CDSN: variants seen among roughly 807,000 people sequenced by gnomAD.
The protein encoded by CDSN is corneodesmosin.
CDSN carries 11 observed loss-of-function variants against 25.6 expected under a neutral mutation model. That is an observed-to-expected ratio of 0.43 (90% confidence interval 0.27 to 0.71). The LOEUF (loss-of-function observed/expected upper bound fraction) is 0.71. CDSN is among the 30% of genes least tolerant of loss of function. The pLI is 0.20. For synonymous variants in CDSN, 266 were observed against 267.4 expected, an observed-to-expected ratio of 0.99 and a Z score of 0.05; for missense variants, 598 against 670.9, an observed-to-expected ratio of 0.89 and a Z score of 1.20.
intron 1 of CDSN, chr6:31,117,840 G>A (rs1581839304): frequency 7.8e-6 from 3 of 384,376 alleles, no homozygotes; most frequent in African/African-American, 2.1e-5. Context: ...GGCTCACGCC[G>A]GTAATCCCAG....
Position 31,116,347 on chromosome 6 carries a change from C to G in CDSN, c.1268G>C (p.Cys423Ser), listed in dbSNP as rs985884890. The G allele has an allele frequency of 1.1e-5, 17 of 1,612,570 alleles. No homozygotes were observed. The Admixed American group carries it at 2.7e-4, about 25-fold the overall frequency. Residue 423 changes from cysteine to serine, a missense_variant, in exon 2 of 2, where the codon TGC (cysteine) becomes TCC (serine). Cys to Ser is a moderately radical substitution (Grantham distance 112). Transcript: ENST00000376288. ...HPCGSASQSP[C>S]SPPGTGSFSS... ...GAAGGAGCCGGTGCCTGGTGGGGAG[C>G]AGGGGCTCTGGGAAGCACTGCCGCA...
chr6:31,115,978 T>C lies in CDSN; in HGVS notation c.*47A>G, dbSNP rs377342864. 8 of 1,521,570 alleles carry C rather than the reference T, an allele frequency of 5.3e-6. No individual in the cohort carries two copies. The African/African-American group carries it at 1.1e-4, about 21-fold the overall frequency. The allele number at this position is 1,521,570 out of a possible 1,614,324, so 94.3% of individuals were successfully genotyped here. A position where few individuals can be genotyped will look rare whatever the true frequency, so the allele number is the denominator to read the frequency against. On this transcript the variant is annotated 3_prime_UTR_variant, in exon 2 of 2. Transcript: ENST00000376288. This position sits in a 1 kb window ranked among gnomAD's most constrained non-coding sequence, Gnocchi z 4.2. Reference sequence around the variant, plus strand: ...CTTCTCCCATATGGGATATAGTGTATGTGCTTGTTTGTGCCCAAGGCATGC... The same window carrying C: ...CTTCTCCCATATGGGATATAGTGTACGTGCTTGTTTGTGCCCAAGGCATGC...
chr6:31,117,606 A>G, intron 1 of CDSN, 77 bp from the exon 2 acceptor site: 3 of 1,250,568 alleles, frequency 2.4e-6, no homozygotes, highest in Admixed American at 4.0e-5. Flanking sequence ...TATCTCAGTC[A>G]TCGGCCTCTC....
At position 31,116,612 on chromosome 6, in the gene CDSN, C is replaced by T. The variant is rs1772142310; in HGVS notation, c.1003G>A (p.Gly335Arg). The part of the protein sequence containing the change: ...TKENPVKGSP[G>R]VPSFAAGPPI... ...GGCCCAGCTGCAAAGGAAGGGACCC[C>T]TGGAGAGCCTTTCACAGGGTTCTCT... The change falls in exon 2 of 2, where the codon GGG becomes AGG. Residue 335 changes from glycine to arginine, a missense_variant. Coordinates refer to ENST00000376288, the MANE Select transcript of CDSN (RefSeq NM_001264.5). 1 of 1,613,252 alleles carries T rather than the reference C, an allele frequency of 6.2e-7. No homozygotes were observed. Among genetic ancestry groups the T allele is most frequent in the Non-Finnish European group, 8.5e-7 (1 of 1,179,998 alleles).
chr6:31,116,558 TGGA>T lies in CDSN; in HGVS notation c.1054_1056del (p.Ser353del). On this transcript the variant is annotated inframe_deletion, in exon 2 of 2. Coordinates refer to ENST00000376288, the MANE Select transcript of CDSN (RefSeq NM_001264.5). ...GACTGGCTGGGGATGATGGGGTTGC[TGGA>T]GAAGTATTTGCCCTCAGAGATGGGG... The T allele has an allele frequency of 6.2e-7, 1 of 1,613,870 alleles. No homozygotes were observed. Among genetic ancestry groups the T allele is most frequent in the South Asian group, 1.1e-5 (1 of 91,076 alleles).
Position 31,115,431 on chromosome 6 carries a change from C to T in CDSN, c.*594G>A. 6.0e-6 allele frequency: 1 copy of T among 168,044 alleles called. No homozygotes were observed. The highest frequency in any genetic ancestry group is 1.7e-4 in the East Asian group (1 of 5,930). The allele number at this position is 168,044 out of a possible 1,614,324, so 10.4% of individuals were successfully genotyped here. Reference sequence around the variant, plus strand: ...GGGCTGAGATAAGGGCCTTGAGAGGCAATGGGTGTGTTGGGGACGGTGATC... The same window carrying T: ...GGGCTGAGATAAGGGCCTTGAGAGGTAATGGGTGTGTTGGGGACGGTGATC... On this transcript the variant is annotated 3_prime_UTR_variant, in exon 2 of 2. Transcript: ENST00000376288. This position sits in a 1 kb window ranked among gnomAD's most constrained non-coding sequence, Gnocchi z 4.2.
Position 31,116,788 on chromosome 6 carries a change from C to T in CDSN, c.827G>A (p.Gly276Asp), listed in dbSNP as rs1337038395. ...GGGACAGGGCTTGCCTGGAAGGCCACCATTGCTACAGGGGGGACCTTGAAC... is the reference window on the plus strand; with the variant it reads ...GGGACAGGGCTTGCCTGGAAGGCCATCATTGCTACAGGGGGGACCTTGAAC... ...GVVQGPPCSN[G>D]GLPGKPCPPI... The change falls in exon 2 of 2, where the codon GGT (glycine) becomes GAT (aspartate). Residue 276 changes from glycine (G) to aspartate (D), a missense_variant. Coordinates refer to ENST00000376288, the MANE Select transcript of CDSN (RefSeq NM_001264.5). The T allele has an allele frequency of 5.0e-6, 8 of 1,613,622 alleles. No individual in the cohort carries two copies. Among genetic ancestry groups the T allele is most frequent in the Non-Finnish European group, 6.8e-6 (8 of 1,180,010 alleles).
At position 31,117,509 on chromosome 6, in the gene CDSN, C is replaced by T. The variant is rs144847588; in HGVS notation, c.106G>A (p.Gly36Ser). Reference protein sequence around the residue: ...LLPGTLAKSIGTFSDPCKDPT... With the variant: ...LLPGTLAKSISTFSDPCKDPT... Reference sequence around the variant, plus strand: ...TCCTTACAAGGGTCTGAGAAGGTGCCAATGCTCTTAGCCAAGGTCCCTGTG... The same window carrying T: ...TCCTTACAAGGGTCTGAGAAGGTGCTAATGCTCTTAGCCAAGGTCCCTGTG... The change falls in exon 2 of 2, where the codon GGC (glycine) becomes AGC (serine). Residue 36 changes from glycine (G) to serine (S), a missense_variant. Coordinates refer to ENST00000376288, the MANE Select transcript of CDSN (RefSeq NM_001264.5). 5,834 of 1,550,860 alleles carry T rather than the reference C, an allele frequency of 3.8e-3. 193 individuals carry two copies. The South Asian group carries it at 0.053, about 14-fold the overall frequency.
chr6:31,118,843 C>CTTCTTTTTTTTTT (rs750733706), intron 1 of CDSN: 2 of 120,758 alleles, frequency 1.7e-5, no homozygotes, highest in African/African-American at 6.2e-5. Flanking sequence ...TCTTCTTCTT[C>CTTCTTTTTTTTTT]TTTTTTTTTT....
rs201665595 is a variant in CDSN at position 31,118,837 on chromosome 6, C to CTTTTTTTTTTTTTTT, written c.86-1309_86-1308insAAAAAAAAAAAAAAA. 77 of 92,470 alleles carry CTTTTTTTTTTTTTTT rather than the reference C, an allele frequency of 8.3e-4. 14 individuals are homozygous for CTTTTTTTTTTTTTTT. Among genetic ancestry groups the CTTTTTTTTTTTTTTT allele is most frequent in the African/African-American group, 1.4e-3 (31 of 22,036 alleles). 5.7% of individuals were successfully genotyped at this position (92,470 alleles called of 1,614,324 possible). Reference sequence around the variant, plus strand: ...ATCATCCACCTGGAAGTTTTTTCTTCTTCTTCTTTTTTTTTTTTTTTTTTG... The same window carrying CTTTTTTTTTTTTTTT: ...ATCATCCACCTGGAAGTTTTTTCTTCTTTTTTTTTTTTTTTTTCTTCTTTTTTTTTTTTTTTTTTG... On this transcript the variant is annotated intron_variant, in intron 1 of 1. Transcript: ENST00000376288.
Position 31,116,268 on chromosome 6 carries a change from G to A in CDSN, c.1347C>T (p.Gly449=), listed in dbSNP as rs1219728851. The change falls in exon 2 of 2, where the codon GGC becomes GGT. Residue 449 remains glycine (G), a synonymous_variant. Transcript: ENST00000376288. ...SSGKIILQPC[G]SKSSSSGHPC... is the part of the protein sequence containing the mutation. ...GGTGACCAGAAGAGCTGGACTTGCT[G>A]CCACAAGGCTGAAGGATGATTTTGC... The A allele has an allele frequency of 6.2e-7, 1 of 1,614,156 alleles. No homozygotes were observed. The highest frequency in any genetic ancestry group is 1.1e-5 in the South Asian group (1 of 91,084).
In CDSN at chr6:31,115,569, C is replaced by A; in HGVS notation, c.*456G>T. 5.6e-6 allele frequency: 1 copy of A among 177,518 alleles called. No homozygotes were observed. Among genetic ancestry groups the A allele is most frequent in the Non-Finnish European group, 1.2e-5 (1 of 83,248 alleles). 11.0% of individuals were successfully genotyped at this position (177,518 alleles called of 1,614,324 possible). ...TCGAAGAAAGGTCAGTGAAAAGTGG[C>A]CACTGTTTCCAGATGATGGTTTGAC... is the stretch of plus-strand genomic sequence containing the variant. On this transcript the variant is annotated 3_prime_UTR_variant, in exon 2 of 2. Transcript: ENST00000376288. The surrounding 1 kb of genome is among the most constrained non-coding windows in gnomAD (Gnocchi z 4.2).
rs775302190 is a variant in CDSN, at chr6:31,117,012, G to C, written c.603C>G (p.Thr201=). ...TTTGGCCACTGCTGGATACCCCAAA[G>C]GTCTGGGAAGAGGAAGAGCTTTGTC... ...QPGQSSSSSQ[T]FGVSSSGQSV... Residue 201 remains threonine, a synonymous_variant, in exon 2 of 2, where the codon ACC becomes ACG. Transcript: ENST00000376288. The C allele has an allele frequency of 6.2e-7, 1 of 1,614,114 alleles. No homozygotes were observed. The highest frequency in any genetic ancestry group is 1.3e-5 in the African/African-American group (1 of 74,946).
At position 31,117,137 on chromosome 6, in the gene CDSN, TGCTGCTGCTGCTCGAATGAGA is replaced by T. The variant is rs768274036; in HGVS notation, c.457_477del (p.His154_Ser160del). The T allele has an allele frequency of 6.2e-7, 1 of 1,610,598 alleles. No homozygotes were observed. The highest frequency in any genetic ancestry group is 8.5e-7 in the Non-Finnish European group (1 of 1,178,132). On this transcript the variant is annotated inframe_deletion, in exon 2 of 2. Coordinates refer to ENST00000376288, the MANE Select transcript of CDSN (RefSeq NM_001264.5). ...AAGCTGCTGCTGCTGAACTGAAAGCTGCTGCTGCTGCTCGAATGAGAGCTGCTGCTTCCCGAGTGAGAGCCG... is the reference window on the plus strand; with the variant it reads ...AAGCTGCTGCTGCTGAACTGAAAGCTGCTGCTGCTTCCCGAGTGAGAGCCG...
chr6:31,115,758 T>G lies in CDSN; in HGVS notation c.*267A>C, dbSNP rs1772075378. On this transcript the variant is annotated 3_prime_UTR_variant, in exon 2 of 2. Coordinates refer to ENST00000376288, the MANE Select transcript of CDSN (RefSeq NM_001264.5). The surrounding 1 kb of genome is among the most constrained non-coding windows in gnomAD (Gnocchi z 4.2). ...GAATTGTAAGGGGTGGTGATCTGGC[T>G]GAGGGGCACTGTGGTGGAATGGGAA... 1.9e-6 allele frequency: 1 copy of G among 536,776 alleles called. No homozygotes were observed. The highest frequency in any genetic ancestry group is 3.3e-6 in the Non-Finnish European group (1 of 302,348). The allele number at this position is 536,776 out of a possible 1,614,324, so 33.3% of individuals were successfully genotyped here.
In CDSN at chr6:31,116,161, G is replaced by A; in HGVS notation, c.1454C>T (p.Pro485Leu). ...PHPDPSAGAKPCGSSSAGKIP... is the reference protein window; with the variant it reads ...PHPDPSAGAKLCGSSSAGKIP... ...CTTTCCAGCACTGCTGGAGCCACAG[G>A]GCTTGGCACCAGCGGAGGGATCAGG... Residue 485 changes from proline (P) to leucine (L), a missense_variant, in exon 2 of 2, where the codon CCC becomes CTC. Transcript: ENST00000376288. 6.2e-7 allele frequency: 1 copy of A among 1,611,722 alleles called. No homozygotes were observed. Among genetic ancestry groups the A allele is most frequent in the Non-Finnish European group, 8.5e-7 (1 of 1,178,538 alleles).
chr6:31,117,361 C>T lies in CDSN; in HGVS notation c.254G>A (p.Gly85Asp). The T allele has an allele frequency of 1.3e-6, 2 of 1,577,400 alleles. No individual in the cohort carries two copies. Among genetic ancestry groups the T allele is most frequent in the Non-Finnish European group, 1.7e-6 (2 of 1,161,398 alleles). The change falls in exon 2 of 2, where the codon GGT (glycine) becomes GAT (aspartate). Residue 85 changes from glycine (G) to aspartate (D), a missense_variant. Gly to Asp is a moderately conservative substitution (Grantham distance 94). Transcript: ENST00000376288. ...GCTGGAGCTACCACTGGAGCCACCA[C>T]CAGAGCTTCTGGCACTGGAAATGGA... is the stretch of plus-strand genomic sequence containing the variant. ...GSSISSARSS[G>D]GGSSGSSSGS...
In CDSN at chr6:31,116,813, C is replaced by T. The variant is rs936791371; in HGVS notation, c.802G>A (p.Val268Ile). 3 of 1,614,018 alleles carry T rather than the reference C, an allele frequency of 1.9e-6. No homozygotes were observed. The highest frequency in any genetic ancestry group is 2.5e-6 in the Non-Finnish European group (3 of 1,180,002). The stretch of plus-strand genomic sequence containing the variant: ...CCATTGCTACAGGGGGGACCTTGAA[C>T]CACTCCAGGGGCACCAGAACCGTGC... ...DQHGSGAPGV[V>I]QGPPCSNGGL... is the part of the protein sequence containing the mutation. Residue 268 changes from valine (V) to isoleucine (I), a missense_variant, in exon 2 of 2, where the codon GTT (valine) becomes ATT (isoleucine). Transcript: ENST00000376288.
rs1389901579 is a variant in CDSN, at chr6:31,120,409, G to C, written c.11C>G (p.Ser4Cys). 3.8e-6 allele frequency: 6 copies of C among 1,587,896 alleles called. No homozygotes were observed. The South Asian group carries it at 6.9e-5, about 18-fold the overall frequency. Reference sequence around the variant, plus strand: ...CACACGCCCCATCCAGGGTGCCCGAGACGAGCCCATCTCGGACTGCACGGC... The same window carrying C: ...CACACGCCCCATCCAGGGTGCCCGACACGAGCCCATCTCGGACTGCACGGC... MGS[S>C]RAPWMGRVGG... is the part of the protein sequence containing the mutation. The change falls in exon 1 of 2, where the codon TCT (serine) becomes TGT (cysteine). Residue 4 changes from serine to cysteine, a missense_variant. Coordinates refer to ENST00000376288, the MANE Select transcript of CDSN (RefSeq NM_001264.5).
Sources: allele counts gnomAD v4.1 joint callset, GRCh38; gene constraint gnomAD v4.1.1; non-coding constraint Gnocchi (gnomAD v3.1); transcripts MANE v1.5; gene names NCBI Gene and HGNC (gene_info 2026-07-23, HGNC 2026-07-21).